FMNL1: variants seen among roughly 807,000 people sequenced by gnomAD.
FMNL1 encodes the protein formin-like protein 1.
FMNL1 carries 43 observed loss-of-function variants against 121.3 expected under a neutral mutation model. The observed-to-expected ratio is 0.35, with a 90% CI of 0.28 to 0.46. The LOEUF (loss-of-function observed/expected upper bound fraction) is 0.46. Ranked by LOEUF, FMNL1 falls within the 20% of genes least tolerant of loss-of-function variation. The probability of loss-of-function intolerance (pLI) is 1.00; values close to 1 mark genes in which losing one functional copy is unlikely to be tolerated. For missense variants in FMNL1, 1,191 were observed against 1,482.4 expected (o/e 0.80, Z 3.23); for synonymous variants, 613 against 613.5 (o/e 1.00, Z 0.01).
At chr17:45,240,935 A>C in intron 12 of FMNL1, 194 bp from the exon 13 acceptor site, 1 of 735,542 alleles carries the variant, frequency 1.4e-6, no homozygotes. Flanking sequence ...CACCTCCCGC[A>C]TCACTGGTAC....
chr17:45,227,936 A>T lies in FMNL1; in HGVS notation c.130-2668A>T, dbSNP rs528523779. 2.5e-4 allele frequency among the ~76,000 whole-genome samples: 38 copies of T among 152,114 alleles called. 2 individuals are homozygous for T. Among genetic ancestry groups the T allele is most frequent in the Non-Finnish European group, 5.4e-4 (37 of 68,012 alleles). On this transcript the variant is annotated intron_variant, in intron 1 of 26. Coordinates refer to ENST00000331495, the MANE Select transcript of FMNL1 (RefSeq NM_005892.4). ...CTCCAGGTCCTCCATGTGGCAGCTC[A>T]TAGCTGTCCCTCCCTGCCCCCCTCA...
intron 1 of FMNL1, among the ~76,000 whole-genome samples, chr17:45,230,155 ACACTGGC>A (rs148809703): frequency 1.7e-4 from 26 of 152,106 alleles, no homozygotes; most frequent in African/African-American, 2.6e-4. Context: ...TGGAGGTGGG[ACACTGGC>A]CACTGGCCAC....
At position 45,240,523 on chromosome 17, in the gene FMNL1, G is replaced by T. The variant is rs532139991; in HGVS notation, c.1128G>T (p.Ala376=). Residue 376 remains alanine (A), a synonymous_variant, in exon 12 of 27, where the codon GCG becomes GCT. Coordinates refer to ENST00000331495, the MANE Select transcript of FMNL1 (RefSeq NM_005892.4). ...ESDKLQVQIQ[A]YLDNIFDVGA... ...ACAAGCTGCAGGTGCAGATCCAGGC[G>T]TACCTGGACAATATTTTTGATGTGG... 6.2e-7 allele frequency: 1 copy of T among 1,613,818 alleles called. No homozygotes were observed. Among genetic ancestry groups the T allele is most frequent in the Admixed American group, 1.7e-5 (1 of 60,000 alleles).
Position 45,243,882 on chromosome 17 carries a change from G to A in FMNL1, c.2305G>A (p.Glu769Lys). The A allele has an allele frequency of 1.2e-6, 2 of 1,613,870 alleles. No individual in the cohort carries two copies. The highest frequency in any genetic ancestry group is 1.1e-5 in the South Asian group (1 of 91,082). ...EYERSLITRF[E>K]REQRPMEELS... is the part of the protein sequence containing the mutation. Reference sequence around the variant, plus strand: ...TGAGCGCAGCCTCATCACCCGCTTTGAGCGGGAGCAGCGGCCAATGGAGGA... The same window carrying A: ...TGAGCGCAGCCTCATCACCCGCTTTAAGCGGGAGCAGCGGCCAATGGAGGA... The change falls in exon 18 of 27, where the codon GAG becomes AAG. Residue 769 changes from glutamate to lysine, a missense_variant. Around this residue, in one of 4 missense-constraint regions of FMNL1, gnomAD observed 367 missense variants for 528.6 expected, o/e 0.69. Transcript: ENST00000331495.
Position 45,233,875 on chromosome 17 carries a change from C to A in FMNL1, c.485+144C>A. ...CCTCCACTTGGCCTTGAGCGATGCT[C>A]CTTCCAGAAGGCCTGCCCCCGACAG... On this transcript the variant is annotated intron_variant, in intron 5 of 26. Coordinates refer to ENST00000331495, the MANE Select transcript of FMNL1 (RefSeq NM_005892.4). The surrounding 1 kb of genome is among the most constrained non-coding windows in gnomAD (Gnocchi z 4.1). 1 of 1,346,228 alleles carries A rather than the reference C, an allele frequency of 7.4e-7. No individual in the cohort carries two copies. The highest frequency in any genetic ancestry group is 1.0e-6 in the Non-Finnish European group (1 of 993,052). The allele number at this position is 1,346,228 out of a possible 1,614,324, so 83.4% of individuals were successfully genotyped here.
At chr17:45,243,736 C>T (rs1474342742) in intron 17 of FMNL1, 55 bp from the exon 18 acceptor site, 2 of 1,533,176 alleles carry the variant, frequency 1.3e-6, no homozygotes, top group African/African-American at 2.7e-5. Context: ...AGCCCTGCTC[C>T]CAGGGACTGG....
chr17:45,245,825 G>C, intron 23 of FMNL1, 53 bp from the exon 24 acceptor site: 1 of 1,601,610 alleles, frequency 6.2e-7, no homozygotes, highest in Non-Finnish European at 8.5e-7. Flanking sequence ...TGTTTAGGGG[G>C]TGGGTAGGGC....
At chr17:45,225,187 C>T (rs1416359482) in intron 1 of FMNL1, among the ~76,000 whole-genome samples, 3 of 152,224 alleles carry the variant, frequency 2.0e-5, no homozygotes, top group Non-Finnish European at 4.4e-5. Context: ...GATGGGTGCT[C>T]TTGGCTTGTG....
Position 45,245,661 on chromosome 17 carries a change from C to T in FMNL1, c.2922C>T (p.Phe974=), listed in dbSNP as rs1200274193. The change falls in exon 23 of 27, where the codon TTC becomes TTT. Residue 974 remains phenylalanine, a synonymous_variant. Coordinates refer to ENST00000331495, the MANE Select transcript of FMNL1 (RefSeq NM_005892.4). ...CCTTTGAGTCTGTGGTGGAGTACTT[C>T]GGAGAGAACCCCAAGACCACATCCC... The part of the protein sequence containing the change: ...QEAFESVVEY[F]GENPKTTSPG... 13 of 1,613,972 alleles carry T rather than the reference C, an allele frequency of 8.1e-6. No individual in the cohort carries two copies. Among genetic ancestry groups the T allele is most frequent in the East Asian group, 2.2e-5 (1 of 44,886 alleles).
At chr17:45,246,677 C>A in intron 26 of FMNL1, 73 bp downstream of exon 26, 1 of 1,428,938 alleles carries the variant, frequency 7.0e-7, no homozygotes, top group Non-Finnish European at 9.5e-7. Context: ...CTGAGGCATG[C>A]TGCCTTCTCC....
At chr17:45,226,595 T>C (rs946727683) in intron 1 of FMNL1, among the ~76,000 whole-genome samples, 2 of 152,162 alleles carry the variant, frequency 1.3e-5, no homozygotes, top group African/African-American at 2.4e-5. Context: ...ATTTGTGAAA[T>C]AGGGATTATA....
intron 1 of FMNL1, among the ~76,000 whole-genome samples, chr17:45,227,792 G>A (rs2043358648): frequency 6.6e-6 from 1 of 152,310 alleles, no homozygotes; most frequent in South Asian, 2.1e-4. Flanking sequence ...CAGGAGCTCC[G>A]TGAGTGTGAG....
At position 45,241,609 on chromosome 17, in the gene FMNL1, G is replaced by T; in HGVS notation, c.1560G>T (p.Gly520=). Residue 520 remains glycine (G), a synonymous_variant, in exon 14 of 27, where the codon GGG becomes GGT. Coordinates refer to ENST00000331495, the MANE Select transcript of FMNL1 (RefSeq NM_005892.4). This position sits in a 1 kb window ranked among gnomAD's most constrained non-coding sequence, Gnocchi z 7.0. ...GCGGCGGTGATGCTCCGACTCCGGG[G>T]GTGCCGACCGGCTCCCCCAGCCCAG... ...TPSGGDAPTP[G]VPTGSPSPDL... 1 of 1,527,096 alleles carries T rather than the reference G, an allele frequency of 6.5e-7. No homozygotes were observed. The highest frequency in any genetic ancestry group is 8.8e-7 in the Non-Finnish European group (1 of 1,134,396). 94.6% of individuals were successfully genotyped at this position (1,527,096 alleles called of 1,614,324 possible).
intron 1 of FMNL1, among the ~76,000 whole-genome samples, 182 bp downstream of exon 1, chr17:45,222,435 C>T (rs528223375): frequency 2.6e-5 from 4 of 152,156 alleles, no homozygotes; most frequent in Non-Finnish European, 5.9e-5. Context: ...TTAGCACTCT[C>T]CCCCCAAAAC....
chr17:45,241,201 C>G lies in FMNL1; in HGVS notation c.1303C>G (p.Gln435Glu). The change falls in exon 13 of 27, where the codon CAG becomes GAG. Residue 435 changes from glutamine to glutamate, a missense_variant. Gln to Glu is a conservative substitution (Grantham distance 29). This residue lies in a region of FMNL1 where 519 missense variants were observed against 492.8 expected (regional missense o/e 1.05). Transcript: ENST00000331495. The surrounding 1 kb of genome is among the most constrained non-coding windows in gnomAD (Gnocchi z 7.0). ...TGCAGAACTGGAAAAACAGCTAAGC[C>G]AGGCGCGCAAGGAGTTGGAGACCCT... is the stretch of plus-strand genomic sequence containing the variant. Reference protein sequence around the residue: ...KIAELEKQLSQARKELETLRE... With the variant: ...KIAELEKQLSEARKELETLRE... The G allele has an allele frequency of 6.2e-7, 1 of 1,614,164 alleles. No homozygotes were observed. The highest frequency in any genetic ancestry group is 8.5e-7 in the Non-Finnish European group (1 of 1,180,010).
chr17:45,242,386 T>G lies in FMNL1; in HGVS notation c.1931T>G (p.Leu644Arg). The change falls in exon 16 of 27, where the codon CTC becomes CGC. Residue 644 changes from leucine (L) to arginine (R), a missense_variant. Transcript: ENST00000331495. ...KPIQTKFRMP[L>R]LNWVALKPSQ... is the part of the protein sequence containing the mutation. The stretch of plus-strand genomic sequence containing the variant: ...ATCCAGACTAAGTTCCGAATGCCAC[T>G]CTTGAACTGGGTGGCACTGAAACCC... 6.2e-7 allele frequency: 1 copy of G among 1,614,046 alleles called. No homozygotes were observed. Among genetic ancestry groups the G allele is most frequent in the Non-Finnish European group, 8.5e-7 (1 of 1,179,954 alleles).
chr17:45,226,295 C>G (rs2043327759), intron 1 of FMNL1, among the ~76,000 whole-genome samples: 1 of 152,206 alleles, frequency 6.6e-6, no homozygotes, highest in Admixed American at 6.5e-5. Flanking sequence ...GCCTCCACTT[C>G]CCCCTGAGAG....
intron 6 of FMNL1, among the ~76,000 whole-genome samples, chr17:45,235,841 G>A (rs2043537361): frequency 6.6e-6 from 1 of 152,204 alleles, no homozygotes. Flanking sequence ...AAGTGGCCAT[G>A]AGCGCCACCT....
At chr17:45,232,722 G>A in intron 3 of FMNL1, 1 of 612,034 alleles carries the variant, frequency 1.6e-6, no homozygotes. Context: ...CTTATACTGT[G>A]TGTATACACA....
Sources: allele counts gnomAD v4.1 joint callset (sites outside exome capture counted in the v4.1 genomes callset), GRCh38; gene constraint gnomAD v4.1.1; regional missense constraint gnomAD v4.1.1; non-coding constraint Gnocchi (gnomAD v3.1); transcripts MANE v1.5; gene names NCBI Gene and HGNC (gene_info 2026-07-23, HGNC 2026-07-21).